Variants in ARHGAP15 observed in about 807,000 individuals in gnomAD.
ARHGAP15 encodes the protein Rho GTPase activating protein 15.
Under a neutral mutation model 63.7 loss-of-function variants are expected in ARHGAP15, and 51 were observed. That is an observed-to-expected ratio of 0.80 (90% CI 0.64 to 1.01). The LOEUF is 1.01. Among genes scored for constraint, ARHGAP15 ranks in the 50% least tolerant of loss-of-function variants. ARHGAP15 has a pLI of 0.00. For synonymous variants in ARHGAP15, 191 were observed against 193.8 expected (o/e 0.99, Z 0.12); for missense variants, 560 against 564.6 (o/e 0.99, Z 0.08).
chr2:143,719,890 G>T (rs534147837), intron 13 of ARHGAP15, among the ~76,000 whole-genome samples: 114 of 152,222 alleles, frequency 7.5e-4, no homozygotes, highest in African/African-American at 2.7e-3. Context: ...CTTCATCTTG[G>T]CAGAGGAAGG....
chr2:143,550,418 A>G (rs572618451), intron 10 of ARHGAP15, among the ~76,000 whole-genome samples: 2 of 152,334 alleles, frequency 1.3e-5, no homozygotes, highest in East Asian at 3.9e-4. Flanking sequence ...AGAAAGAATA[A>G]CAACGGAATA....
At chr2:143,213,514 A>AAAAAT (rs147427498) in intron 3 of ARHGAP15, among the ~76,000 whole-genome samples, 7 of 152,172 alleles carry the variant, frequency 4.6e-5, no homozygotes, top group East Asian at 3.8e-4. Flanking sequence ...ACTCCGTCTC[A>AAAAAT]AAAATAAAAT....
At chr2:143,217,524 A>T (rs1022946671) in intron 4 of ARHGAP15, among the ~76,000 whole-genome samples, 9 of 152,298 alleles carry the variant, frequency 5.9e-5, no homozygotes, top group African/African-American at 2.2e-4. Flanking sequence ...TGAAGAGTTC[A>T]GGAGAGAGAT....
intron 13 of ARHGAP15, among the ~76,000 whole-genome samples, chr2:143,735,240 T>C (rs1685699448): frequency 1.3e-5 from 2 of 152,212 alleles, no homozygotes; most frequent in African/African-American, 2.4e-5. Context: ...TCCATAGGTA[T>C]CTAAGAAATG....
At chr2:143,275,590 C>G (rs1681508754) in intron 6 of ARHGAP15, among the ~76,000 whole-genome samples, 1 of 152,136 alleles carries the variant, frequency 6.6e-6, no homozygotes, top group Non-Finnish European at 1.5e-5. Flanking sequence ...TGAAAAGATC[C>G]AGTGAGCAAT....
intron 13 of ARHGAP15, among the ~76,000 whole-genome samples, chr2:143,719,095 A>G (rs1684934605): frequency 6.6e-6 from 1 of 152,198 alleles, no homozygotes; most frequent in Non-Finnish European, 1.5e-5. Context: ...TTGGGACAGA[A>G]CCGCTGTAAG....
At chr2:143,484,425 G>A (rs113230920) in intron 8 of ARHGAP15, among the ~76,000 whole-genome samples, 10,092 of 151,392 alleles carry the variant, frequency 0.067, 357 homozygotes, top group South Asian at 0.078. Context: ...CCAGCTACTC[G>A]GGAGGCTGAG....
At chr2:143,494,347 C>A (rs1391340821) in intron 9 of ARHGAP15, among the ~76,000 whole-genome samples, 1 of 151,986 alleles carries the variant, frequency 6.6e-6, no homozygotes, top group East Asian at 1.9e-4. Context: ...ATTTGTTTCC[C>A]ATTCTTCTTT....
chr2:143,529,200 C>T (rs1477229987), intron 10 of ARHGAP15, among the ~76,000 whole-genome samples: 2 of 152,120 alleles, frequency 1.3e-5, no homozygotes, highest in African/African-American at 4.8e-5. Context: ...CGCAGCATTA[C>T]AATCTATATT....
At chr2:143,370,680 T>A (rs1469623034) in intron 6 of ARHGAP15, among the ~76,000 whole-genome samples, 1 of 152,182 alleles carries the variant, frequency 6.6e-6, no homozygotes, top group African/African-American at 2.4e-5. Flanking sequence ...TTAGAATTCT[T>A]AACTCTGACA....
At chr2:143,634,237 C>T (rs992319570) in intron 12 of ARHGAP15, among the ~76,000 whole-genome samples, 1 of 152,076 alleles carries the variant, frequency 6.6e-6, no homozygotes, top group Non-Finnish European at 1.5e-5. Context: ...ACCGAACACA[C>T]TCTCCCAGAT....
intron 6 of ARHGAP15, among the ~76,000 whole-genome samples, chr2:143,395,119 AT>A (rs1687703634): frequency 6.6e-6 from 1 of 152,202 alleles, no homozygotes; most frequent in African/African-American, 2.4e-5. Context: ...TAATATAATA[AT>A]TTTAAAAATG....
chr2:143,698,043 A>G (rs1683927444), intron 12 of ARHGAP15, among the ~76,000 whole-genome samples: 1 of 152,180 alleles, frequency 6.6e-6, no homozygotes, highest in Non-Finnish European at 1.5e-5. Flanking sequence ...CCTCTTTAAA[A>G]CAAAGGAATA....
At chr2:143,754,989 TG>T (rs1686519567) in intron 13 of ARHGAP15, among the ~76,000 whole-genome samples, 1 of 152,182 alleles carries the variant, frequency 6.6e-6, no homozygotes, top group Admixed American at 6.5e-5. Flanking sequence ...GACTGAACAT[TG>T]GGGAAAGACC....
chr2:143,316,579 AAT>A (rs560642874), intron 6 of ARHGAP15, among the ~76,000 whole-genome samples: 6 of 145,832 alleles, frequency 4.1e-5, no homozygotes, highest in African/African-American at 7.5e-5. Context: ...CATATATTAA[AAT>A]ATATATGTTA....
At chr2:143,616,992 G>T (rs1179795760) in intron 11 of ARHGAP15, among the ~76,000 whole-genome samples, 1 of 152,154 alleles carries the variant, frequency 6.6e-6, no homozygotes, top group Non-Finnish European at 1.5e-5. Flanking sequence ...AGACATAGTA[G>T]TTGGACAAAG....
chr2:143,139,568 AT>A (rs1224022924), intron 1 of ARHGAP15, among the ~76,000 whole-genome samples: 3 of 152,066 alleles, frequency 2.0e-5, no homozygotes, highest in Non-Finnish European at 4.4e-5. Flanking sequence ...TTTATATTCT[AT>A]TTAGAATTTT....
chr2:143,205,270 A>G lies in ARHGAP15; in HGVS notation c.234+3068A>G, dbSNP rs572903697. ...CAGAGAGAGATAAAAAAAAAAAAAA[A>G]AAGAAACAGAAAGGAACCTACAAAT... On this transcript the variant is annotated intron_variant, in intron 3 of 13. Transcript: ENST00000295095. Among the ~76,000 whole-genome samples the G allele has an allele frequency of 7.9e-5, 12 of 151,628 alleles. No individual in the cohort carries two copies. In the South Asian group the frequency reaches 2.3e-3, roughly 29 times the overall value.
At chr2:143,155,839 T>C (rs1208435016) in intron 2 of ARHGAP15, among the ~76,000 whole-genome samples, 184 bp downstream of exon 2, 1 of 151,938 alleles carries the variant, frequency 6.6e-6, no homozygotes, top group Non-Finnish European at 1.5e-5. Flanking sequence ...AGAGAAGAGC[T>C]GGGCTTAATC....
Sources: gnomAD v4.1 joint callset for allele counts (sites outside exome capture counted in the v4.1 genomes callset) on GRCh38, gnomAD v4.1.1 for gene constraint, MANE v1.5 for transcripts, NCBI Gene and HGNC (gene_info 2026-07-23, HGNC 2026-07-21) for gene names.